CCDC32: variants seen among roughly 807,000 people sequenced by gnomAD.
The protein encoded by CCDC32 is coiled-coil domain containing 32, also known as coiled-coil domain-containing protein 32.
A neutral mutation model predicts 20.1 loss-of-function variants in CCDC32; 9 were observed. The ratio of observed to expected loss-of-function variants is 0.45; its 90% CI spans 0.27 to 0.78. The LOEUF (loss-of-function observed/expected upper bound fraction) is 0.78, where lower values mean the gene tolerates loss of function less well. Among genes scored for constraint, CCDC32 ranks in the 30% least tolerant of loss-of-function variants. The pLI is 0.16. For synonymous variants in CCDC32, 63 were observed against 79.0 expected, an observed-to-expected ratio of 0.80 and a Z score of 1.07; for missense variants, 204 against 215.5, an observed-to-expected ratio of 0.95 and a Z score of 0.33.
intron 2 of CCDC32, among the ~76,000 whole-genome samples, chr15:40,561,292 G>A (rs554312702): frequency 6.6e-6 from 1 of 152,090 alleles, no homozygotes; most frequent in East Asian, 1.9e-4. Flanking sequence ...GACCAACATG[G>A]TGAAACTCTC....
chr15:40,545,096 G>A (rs1246278926), intron 3 of CCDC32, among the ~76,000 whole-genome samples: 1 of 152,192 alleles, frequency 6.6e-6, no homozygotes, highest in African/African-American at 2.4e-5. Flanking sequence ...TGGGATGATT[G>A]TTCTAACAAC....
intron 3 of CCDC32, chr15:40,528,922 C>A: frequency 1.6e-6 from 1 of 614,790 alleles, no homozygotes; most frequent in Non-Finnish European, 2.9e-6. Flanking sequence ...CCAGCACGTG[C>A]TGAGTGGTAT....
At chr15:40,564,868 G>T in intron 1 of CCDC32, 108 bp downstream of exon 1, 1 of 1,558,480 alleles carries the variant, frequency 6.4e-7, no homozygotes, top group South Asian at 1.1e-5. Flanking sequence ...GGTCTCTAGG[G>T]CTGTCTGGAC....
At position 40,562,977 on chromosome 15, in the gene CCDC32, T is replaced by A; in HGVS notation, c.39A>T (p.Arg13Ser). The change falls in exon 2 of 4, where the codon AGA (arginine) becomes AGT (serine). Residue 13 changes from arginine to serine, a missense_variant. Coordinates refer to ENST00000416810, the MANE Select transcript of CCDC32 (RefSeq NM_001080792.4). ...TTTCAGCCCAGAGATCCTGGCCAGA[T>A]CTTGTGGCTGTAGAGTCAGCGCTCT... ...MFESADSTAT[R>S]SGQDLWAEIC... is the part of the protein sequence containing the mutation. The A allele has an allele frequency of 6.2e-7, 1 of 1,614,214 alleles. No individual in the cohort carries two copies. The highest frequency in any genetic ancestry group is 1.3e-5 in the African/African-American group (1 of 75,060).
chr15:40,552,535 T>C (rs1253430867), downstream of CCDC32, among the ~76,000 whole-genome samples: 1 of 144,272 alleles, frequency 6.9e-6, no homozygotes, highest in African/African-American at 2.6e-5. Flanking sequence ...ACAATAAAAA[T>C]ATTTGTATCA....
intron 3 of CCDC32, among the ~76,000 whole-genome samples, chr15:40,544,518 C>A (rs911454658): frequency 6.6e-6 from 1 of 152,128 alleles, no homozygotes; most frequent in African/African-American, 2.4e-5. Context: ...GTGCGGAGCC[C>A]CCTGGCATCT....
intron 3 of CCDC32, among the ~76,000 whole-genome samples, chr15:40,540,713 A>G (rs749604946): frequency 3.2e-4 from 48 of 151,482 alleles, no homozygotes; most frequent in Non-Finnish European, 2.1e-4. Context: ...AATACAGGAA[A>G]CTCTGGGGCC....
chr15:40,538,853 T>C (rs1016931932), downstream of CCDC32: 3 of 189,200 alleles, frequency 1.6e-5, no homozygotes, highest in African/African-American at 7.0e-5. Context: ...TGACATTTGA[T>C]CTGAAGGAGT....
downstream of CCDC32, chr15:40,536,055 C>T (rs182631102): frequency 6.6e-6 from 1 of 152,438 alleles, no homozygotes; most frequent in Non-Finnish European, 1.5e-5. Flanking sequence ...CAGCTTCAGC[C>T]CTTCCCCAGT....
chr15:40,561,515 C>G (rs542519906), intron 2 of CCDC32, among the ~76,000 whole-genome samples: 1 of 149,510 alleles, frequency 6.7e-6, no homozygotes, highest in East Asian at 1.9e-4. Context: ...AAACAAAACA[C>G]AAAGTGGTAT....
downstream of CCDC32, among the ~76,000 whole-genome samples, chr15:40,531,049 A>G (rs1595882185): frequency 6.6e-6 from 1 of 151,760 alleles, no homozygotes; most frequent in South Asian, 2.1e-4. Context: ...ACTGATACAG[A>G]TGACATGCAA....
the CCDC32 span, among the ~76,000 whole-genome samples, chr15:40,523,167 T>G: frequency 1.3e-5 from 2 of 151,234 alleles, no homozygotes; most frequent in South Asian, 4.2e-4. Flanking sequence ...ATTACAAGAG[T>G]GAGCCACTGT....
intron 2 of CCDC32, chr15:40,557,631 A>G: frequency 3.0e-6 from 1 of 334,596 alleles, no homozygotes; most frequent in East Asian, 5.8e-5. Flanking sequence ...CTCATAAATA[A>G]GTCAATGGCA....
chr15:40,557,413 A>G (rs781460371), intron 2 of CCDC32, 41 bp from the exon 3 acceptor site: 1 of 1,549,212 alleles, frequency 6.5e-7, no homozygotes, highest in Non-Finnish European at 8.7e-7. Flanking sequence ...AATGAGCATG[A>G]CATGAAATTT....
downstream of CCDC32, chr15:40,539,170 C>G: frequency 1.5e-6 from 2 of 1,370,324 alleles, no homozygotes; most frequent in Non-Finnish European, 2.0e-6. Context: ...CCCGCTCAAA[C>G]CTGACACCAC....
chr15:40,544,732 A>AT (rs5812165), intron 3 of CCDC32, among the ~76,000 whole-genome samples: 9 of 150,394 alleles, frequency 6.0e-5, no homozygotes, highest in East Asian at 1.9e-4. Context: ...TCCGGCTTGG[A>AT]TTTTTTTTTT....
At chr15:40,557,567 C>T in intron 2 of CCDC32, 195 bp from the exon 3 acceptor site, 1 of 511,950 alleles carries the variant, frequency 2.0e-6, no homozygotes, top group South Asian at 3.0e-5. Flanking sequence ...AAGTCCTCAC[C>T]CTGCATTGTA....
chr15:40,543,218 G>C (rs1359090373), intron 3 of CCDC32, among the ~76,000 whole-genome samples: 3 of 151,834 alleles, frequency 2.0e-5, no homozygotes, highest in Non-Finnish European at 4.4e-5. Context: ...CCCTCATAAA[G>C]ATGCTTATCT....
At chr15:40,527,137 G>C (rs771403383), downstream of CCDC32, among the ~76,000 whole-genome samples, 1 of 151,358 alleles carries the variant, frequency 6.6e-6, no homozygotes, top group Non-Finnish European at 1.5e-5. Flanking sequence ...TTTTAGTAGA[G>C]ACAGGCTTTC....
Sources: allele counts gnomAD v4.1 joint callset (sites outside exome capture counted in the v4.1 genomes callset), GRCh38; gene constraint gnomAD v4.1.1; transcripts MANE v1.5; gene names NCBI Gene and HGNC (gene_info 2026-07-23, HGNC 2026-07-21).